Variants in TRHDE observed in about 807,000 individuals in gnomAD.
TRHDE encodes thyrotropin-releasing hormone-degrading ectoenzyme.
Under a neutral mutation model 125.7 loss-of-function variants are expected in TRHDE, and 72 were observed. That is an observed-to-expected ratio of 0.57 (90% confidence interval 0.47 to 0.70). The LOEUF (loss-of-function observed/expected upper bound fraction) is 0.70, where lower values mean the gene tolerates loss of function less well. Among genes scored for constraint, TRHDE ranks in the 30% least tolerant of loss-of-function variants. The pLI is 0.00. For missense variants in TRHDE, 1,110 were observed against 1,327.1 expected (o/e 0.84, Z 2.54); for synonymous variants, 509 against 509.1 (o/e 1.00, Z 0.00).
At chr12:72,586,701 G>A (rs1414677028) in intron 12 of TRHDE, among the ~76,000 whole-genome samples, 1 of 151,128 alleles carries the variant, frequency 6.6e-6, no homozygotes, top group Admixed American at 6.6e-5. Context: ...GAGGTTTCCT[G>A]TTGCTCAGCT....
At chr12:72,160,310 C>A (rs889859312) in intron 2 of TRHDE, among the ~76,000 whole-genome samples, 1 of 152,260 alleles carries the variant, frequency 6.6e-6, no homozygotes, top group East Asian at 1.9e-4. Context: ...CTGGCACTTA[C>A]TAGAAGTGCA....
intron 6 of TRHDE, among the ~76,000 whole-genome samples, chr12:72,518,712 C>T (rs896138042): frequency 1.9e-4 from 29 of 151,948 alleles, no homozygotes; most frequent in South Asian, 2.1e-4. Context: ...TTATTTTGCT[C>T]GTTAGTTGAT....
chr12:72,642,952 G>A (rs1874125566), intron 15 of TRHDE, among the ~76,000 whole-genome samples: 3 of 152,120 alleles, frequency 2.0e-5, no homozygotes, highest in African/African-American at 7.2e-5. Flanking sequence ...TTGCTGAAAT[G>A]TTATTAGAAC....
chr12:72,501,533 G>A (rs1361087724), intron 6 of TRHDE, among the ~76,000 whole-genome samples: 1 of 151,988 alleles, frequency 6.6e-6, no homozygotes, highest in African/African-American at 2.4e-5. Flanking sequence ...GCATTCCTGA[G>A]ACAAATGTCA....
At chr12:72,643,030 CT>C (rs905901742) in intron 15 of TRHDE, among the ~76,000 whole-genome samples, 1 of 152,150 alleles carries the variant, frequency 6.6e-6, no homozygotes, top group Non-Finnish European at 1.5e-5. Flanking sequence ...CTGAAGGCCC[CT>C]GGCATATCCG....
At chr12:72,118,731 G>A (rs534498865) in intron 2 of TRHDE, among the ~76,000 whole-genome samples, 131 of 152,142 alleles carry the variant, frequency 8.6e-4, no homozygotes, top group African/African-American at 2.7e-3. Context: ...CTTGTTACTC[G>A]TTACTGGTCT....
At chr12:72,396,235 C>T (rs1872783589) in intron 3 of TRHDE, among the ~76,000 whole-genome samples, 1 of 152,154 alleles carries the variant, frequency 6.6e-6, no homozygotes, top group Admixed American at 6.5e-5. Context: ...TTGATTGCCC[C>T]TTTAGCTATG....
intron 2 of TRHDE, among the ~76,000 whole-genome samples, chr12:72,245,303 A>G (rs1167081312): frequency 1.3e-5 from 2 of 150,116 alleles, no homozygotes; most frequent in African/African-American, 2.5e-5. Flanking sequence ...ATCTCTTTAC[A>G]TAGGTGGATA....
At chr12:72,260,813 G>T (rs1388009270) in intron 2 of TRHDE, among the ~76,000 whole-genome samples, 1 of 152,160 alleles carries the variant, frequency 6.6e-6, no homozygotes, top group Non-Finnish European at 1.5e-5. Context: ...GTATGTCCCA[G>T]AATCTTTGCT....
chr12:72,341,485 T>C (rs1468396879), intron 2 of TRHDE, among the ~76,000 whole-genome samples: 1 of 152,162 alleles, frequency 6.6e-6, no homozygotes, highest in East Asian at 1.9e-4. Flanking sequence ...CAAATAATTT[T>C]CTAACTGGCA....
intron 12 of TRHDE, among the ~76,000 whole-genome samples, chr12:72,608,254 T>C (rs1872524131): frequency 6.6e-6 from 1 of 152,152 alleles, no homozygotes; most frequent in South Asian, 2.1e-4. Context: ...CCCAAACCAC[T>C]TTCCAGAGCC....
At position 72,204,355 on chromosome 12, in the gene TRHDE, A is replaced by G. The variant is rs554199237; in HGVS notation, n.279+98603A>G. ...CTTCTGACTCACCTTCAGTCTCTCAATTTACCTGAATCTTCTCCTATCCAC... is the reference window on the plus strand; with the variant it reads ...CTTCTGACTCACCTTCAGTCTCTCAGTTTACCTGAATCTTCTCCTATCCAC... On this transcript the variant is annotated intron_variant and non_coding_transcript_variant, in intron 2 of 4. Coordinates refer to the TRHDE transcript ENST00000548156. Among the ~76,000 whole-genome samples, 43 of 151,946 alleles carry G rather than the reference A, an allele frequency of 2.8e-4. 1 individual carries two copies. The East Asian group carries it at 7.9e-3, about 28-fold the overall frequency.
At chr12:72,123,765 T>C (rs998152883) in intron 2 of TRHDE, among the ~76,000 whole-genome samples, 3 of 152,116 alleles carry the variant, frequency 2.0e-5, no homozygotes, top group African/African-American at 7.2e-5. Context: ...TCCATGAAAC[T>C]GCCGTCACAA....
At chr12:72,164,399 G>T (rs1319153483) in intron 2 of TRHDE, among the ~76,000 whole-genome samples, 1 of 152,196 alleles carries the variant, frequency 6.6e-6, no homozygotes, top group Non-Finnish European at 1.5e-5. Flanking sequence ...CAATAGGGAA[G>T]GCGCCAGGTT....
intron 2 of TRHDE, among the ~76,000 whole-genome samples, chr12:72,202,116 T>A (rs902841005): frequency 6.6e-6 from 1 of 152,206 alleles, no homozygotes; most frequent in African/African-American, 2.4e-5. Context: ...GTGAGATGAC[T>A]GAAATCAGAT....
chr12:72,251,980 G>A (rs1053807579), intron 2 of TRHDE, among the ~76,000 whole-genome samples: 2 of 151,800 alleles, frequency 1.3e-5, no homozygotes, highest in Admixed American at 6.6e-5. Context: ...TCAATTTTCT[G>A]GTTGAATTAT....
At chr12:72,477,001 A>C (rs762548044) in intron 5 of TRHDE, among the ~76,000 whole-genome samples, 3 of 152,188 alleles carry the variant, frequency 2.0e-5, no homozygotes, top group Non-Finnish European at 4.4e-5. Context: ...TTTTACAGGA[A>C]GTATGATACA....
At chr12:72,658,006 A>G (rs991106686) in intron 18 of TRHDE, among the ~76,000 whole-genome samples, 1 of 152,070 alleles carries the variant, frequency 6.6e-6, no homozygotes, top group South Asian at 2.1e-4. Context: ...ACCATCCTTA[A>G]TATCTTCTAA....
At chr12:72,374,323 G>A (rs1271940754) in intron 2 of TRHDE, among the ~76,000 whole-genome samples, 2 of 151,076 alleles carry the variant, frequency 1.3e-5, no homozygotes, top group Non-Finnish European at 3.0e-5. Flanking sequence ...GTGTGTGTGT[G>A]TGTGTGTGTG....
Sources: gnomAD v4.1 joint callset for allele counts (sites outside exome capture counted in the v4.1 genomes callset) on GRCh38, gnomAD v4.1.1 for gene constraint, MANE v1.5 for transcripts, NCBI Gene and HGNC (gene_info 2026-07-23, HGNC 2026-07-21) for gene names.